The following SLC28A1 variants were observed in gnomAD, a reference collection of about 807,000 sequenced individuals.
SLC28A1 encodes sodium/nucleoside cotransporter 1.
A neutral mutation model predicts 74.8 loss-of-function variants in SLC28A1; 64 were observed. That is an observed-to-expected ratio of 0.86 (90% CI 0.70 to 1.05). The LOEUF is 1.05. SLC28A1 is among the 50% of genes least tolerant of loss of function. The pLI is 0.00. For synonymous variants in SLC28A1, 359 were observed against 335.0 expected (o/e 1.07, Z -0.78); for missense variants, 828 against 822.8 (o/e 1.01, Z -0.08).
chr15:84,921,445 G>C (rs1338158761), intron 11 of SLC28A1, among the ~76,000 whole-genome samples: 1 of 151,996 alleles, frequency 6.6e-6, no homozygotes, highest in Non-Finnish European at 1.5e-5. Context: ...TCTTCTTTCT[G>C]GTCAGAGTTT....
the SLC28A1 span, among the ~76,000 whole-genome samples, chr15:84,967,998 G>C: frequency 5.9e-5 from 9 of 152,150 alleles, no homozygotes; most frequent in African/African-American, 2.2e-4. Context: ...CTGTTGGTTG[G>C]TATGGAAGAT....
At chr15:84,936,184 C>G (rs1231356673) in intron 15 of SLC28A1, among the ~76,000 whole-genome samples, 1 of 151,226 alleles carries the variant, frequency 6.6e-6, no homozygotes. Flanking sequence ...ACCTCGTGAT[C>G]TGCCCACCTC....
chr15:84,950,117 C>CTTT (rs2079366982), downstream of SLC28A1, among the ~76,000 whole-genome samples: 1 of 152,148 alleles, frequency 6.6e-6, no homozygotes, highest in Non-Finnish European at 1.5e-5. Flanking sequence ...AGAATAAAGC[C>CTTT]ATTTAGGAAA....
At chr15:84,908,612 G>T (rs1967642996) in intron 8 of SLC28A1, 106 bp from the exon 9 acceptor site, 3 of 902,386 alleles carry the variant, frequency 3.3e-6, no homozygotes, top group Non-Finnish European at 5.4e-6. Context: ...AGGGCCTGGG[G>T]GGACTACGTC....
intron 8 of SLC28A1, among the ~76,000 whole-genome samples, chr15:84,907,023 A>T (rs930768823): frequency 3.9e-5 from 6 of 152,336 alleles, no homozygotes; most frequent in Admixed American, 2.6e-4. Flanking sequence ...GGCTGAAGAA[A>T]GCAGAAACAG....
rs1327677878 is a variant in SLC28A1, at chr15:84,935,162, G to A, written c.1351G>A (p.Asp451Asn). 1 of 1,614,046 alleles carries A rather than the reference G, an allele frequency of 6.2e-7. No individual in the cohort carries two copies. The highest frequency in any genetic ancestry group is 1.3e-5 in the African/African-American group (1 of 75,036). The change falls in exon 14 of 19, where the codon GAC (aspartate) becomes AAC (asparagine). Residue 451 changes from aspartate to asparagine, a missense_variant. Around this residue, in one of 3 missense-constraint regions of SLC28A1, gnomAD observed 767 missense variants for 753.5 expected, o/e 1.02. Coordinates refer to ENST00000394573, the MANE Select transcript of SLC28A1 (RefSeq NM_004213.5). ...FINAALSWLG[D>N]MVDIQGLSFQ... ...CAATGCTGCCCTCTCCTGGCTGGGA[G>A]ACATGGTGGACATCCAAGGGCTCAG...
At chr15:84,913,289 C>A (rs927994201) in intron 9 of SLC28A1, among the ~76,000 whole-genome samples, 3 of 152,152 alleles carry the variant, frequency 2.0e-5, no homozygotes, top group Non-Finnish European at 4.4e-5. Context: ...AGTGCTCAAG[C>A]CTTGGGGTCT....
chr15:84,952,305 C>G, the SLC28A1 span, among the ~76,000 whole-genome samples: 1 of 152,182 alleles, frequency 6.6e-6, no homozygotes, highest in Non-Finnish European at 1.5e-5. Context: ...ATACAGACAT[C>G]TTTCCTATCT....
At chr15:84,908,917 C>A (rs754522679) in intron 9 of SLC28A1, 122 bp downstream of exon 9, 4 of 806,870 alleles carry the variant, frequency 5.0e-6, no homozygotes, top group Non-Finnish European at 8.5e-6. Context: ...GCAGAGGTCG[C>A]CGTACTGGGA....
chr15:84,935,551 G>T, intron 15 of SLC28A1, 33 bp downstream of exon 15: 1 of 1,571,728 alleles, frequency 6.4e-7, no homozygotes, highest in South Asian at 1.1e-5. Context: ...TGCAGCAGGG[G>T]GATGACACGG....
At chr15:84,936,631 A>G (rs917245861) in intron 15 of SLC28A1, among the ~76,000 whole-genome samples, 2 of 152,246 alleles carry the variant, frequency 1.3e-5, no homozygotes, top group African/African-American at 2.4e-5. Context: ...TTTAAAAACT[A>G]TAAAAGTTCT....
At chr15:84,899,782 G>A (rs530561323) in intron 6 of SLC28A1, among the ~76,000 whole-genome samples, 2 of 152,244 alleles carry the variant, frequency 1.3e-5, no homozygotes, top group East Asian at 3.9e-4. Flanking sequence ...AGTCCCAGCT[G>A]CTTGGGAAGC....
Position 84,935,426 on chromosome 15 carries a change from G to A in SLC28A1, c.1489G>A (p.Glu497Lys), listed in dbSNP as rs1035660741. ...ELLGIKLFLN[E>K]FVAYQDLSKY... Reference sequence around the variant, plus strand: ...GCTGGGGATCAAGCTGTTTCTGAACGAGTTTGTGGCCTATCAAGACCTCTC... The same window carrying A: ...GCTGGGGATCAAGCTGTTTCTGAACAAGTTTGTGGCCTATCAAGACCTCTC... The change falls in exon 15 of 19, where the codon GAG becomes AAG. Residue 497 changes from glutamate (E) to lysine (K), a missense_variant. Physicochemically the swap from Glu to Lys is moderately conservative, Grantham distance 56. Coordinates refer to ENST00000394573, the MANE Select transcript of SLC28A1 (RefSeq NM_004213.5). 24 of 1,614,092 alleles carry A rather than the reference G, an allele frequency of 1.5e-5. No individual in the cohort carries two copies. The highest frequency in any genetic ancestry group is 1.9e-5 in the Non-Finnish European group (22 of 1,180,038).
In SLC28A1 at chr15:84,933,248, G is replaced by C; in HGVS notation, c.1187G>C (p.Arg396Thr). 2 of 1,613,550 alleles carry C rather than the reference G, an allele frequency of 1.2e-6. No homozygotes were observed. Residue 396 changes from arginine to threonine, a missense_variant, in exon 13 of 19, where the codon AGG becomes ACG. This residue lies in a region of SLC28A1 where 767 missense variants were observed against 753.5 expected (regional missense o/e 1.02). Coordinates refer to ENST00000394573, the MANE Select transcript of SLC28A1 (RefSeq NM_004213.5). ...GAGGTGGAGGAGTCCAAGTTTAGGA[G>C]GGAGGAAGGAGTGAAACTGACCTAT... The part of the protein sequence containing the change: ...YPEVEESKFR[R>T]EEGVKLTYGD...
chr15:84,900,699 G>A (rs1316997892), intron 6 of SLC28A1, among the ~76,000 whole-genome samples: 2 of 152,044 alleles, frequency 1.3e-5, no homozygotes, highest in Non-Finnish European at 2.9e-5. Context: ...AGTTACTTGA[G>A]AGGCTAAGGT....
At chr15:84,935,565 A>G in intron 15 of SLC28A1, 47 bp downstream of exon 15, 1 of 1,537,716 alleles carries the variant, frequency 6.5e-7, no homozygotes, top group Non-Finnish European at 8.9e-7. Context: ...GACACGGCAC[A>G]GCCACTCCTC....
At chr15:84,894,516 G>A (rs1250266347) in intron 5 of SLC28A1, among the ~76,000 whole-genome samples, 1 of 152,168 alleles carries the variant, frequency 6.6e-6, no homozygotes, top group Non-Finnish European at 1.5e-5. Flanking sequence ...GCTCATTGAT[G>A]AACATTTCAG....
the SLC28A1 span, among the ~76,000 whole-genome samples, chr15:84,955,834 C>T: frequency 1.3e-5 from 2 of 152,136 alleles, no homozygotes; most frequent in East Asian, 3.9e-4. Flanking sequence ...ATGCAGCCCC[C>T]TAGGTGCGGC....
rs1274625326 is a variant in SLC28A1 at position 84,896,535 on chromosome 15, C to T, written c.461+1412C>T. 5.3e-5 allele frequency among the ~76,000 whole-genome samples: 8 copies of T among 152,158 alleles called. No individual in the cohort carries two copies. The East Asian group carries it at 9.6e-4, about 18-fold the overall frequency. On this transcript the variant is annotated intron_variant, in intron 6 of 18. Transcript: ENST00000394573. ...TGCTTTAGAAAATGGTTAGGCTGGCCGGGCACGGTGGCTCATGCCCGTAAT... is the reference window on the plus strand; with the variant it reads ...TGCTTTAGAAAATGGTTAGGCTGGCTGGGCACGGTGGCTCATGCCCGTAAT...
Sources: allele counts gnomAD v4.1 joint callset (sites outside exome capture counted in the v4.1 genomes callset), GRCh38; gene constraint gnomAD v4.1.1; regional missense constraint gnomAD v4.1.1; transcripts MANE v1.5; gene names NCBI Gene and HGNC (gene_info 2026-07-23, HGNC 2026-07-21).